Variants in RAP1A observed in about 807,000 individuals in gnomAD.
RAP1A encodes ras-related protein Rap-1A.
A neutral mutation model predicts 26.4 loss-of-function variants in RAP1A; 6 were observed. The observed-to-expected ratio is 0.23, with a 90% CI of 0.12 to 0.45. RAP1A has a LOEUF of 0.45. RAP1A is among the 20% of genes least tolerant of loss of function. RAP1A has a pLI of 0.99. For missense variants in RAP1A, 121 were observed against 217.2 expected (o/e 0.56, Z 2.78); for synonymous variants, 73 against 79.4 (o/e 0.92, Z 0.43).
At chr1:111,618,066 T>C (rs551198471), upstream of RAP1A, among the ~76,000 whole-genome samples, 2 of 151,818 alleles carry the variant, frequency 1.3e-5, no homozygotes, top group Non-Finnish European at 2.9e-5. Flanking sequence ...CATTCCAGCA[T>C]ACTAAAATGA....
chr1:111,624,922 A>G (rs1051188100), intron 1 of RAP1A, among the ~76,000 whole-genome samples: 1 of 152,172 alleles, frequency 6.6e-6, no homozygotes, highest in Non-Finnish European at 1.5e-5. Context: ...TAGGTTAGAT[A>G]AATCTGAAAA....
At chr1:111,649,079 C>A in intron 1 of RAP1A, 1 of 608,342 alleles carries the variant, frequency 1.6e-6, no homozygotes, top group Non-Finnish European at 3.2e-6. Flanking sequence ...CTGTCTCATA[C>A]TTGACTCTAA....
chr1:111,638,586 G>A (rs912353544), intron 1 of RAP1A, among the ~76,000 whole-genome samples: 3 of 152,064 alleles, frequency 2.0e-5, no homozygotes, highest in Admixed American at 2.0e-4. Flanking sequence ...CAACATGCCT[G>A]GCTAACTTTT....
At chr1:111,695,557 TTTC>T in intron 3 of RAP1A, 148 bp downstream of exon 3, 1 of 534,762 alleles carries the variant, frequency 1.9e-6, no homozygotes, top group South Asian at 3.2e-5. Context: ...AGACAGAACA[TTTC>T]TTAACAGAAT....
At chr1:111,672,211 C>T (rs974341158) in intron 1 of RAP1A, among the ~76,000 whole-genome samples, 2 of 152,230 alleles carry the variant, frequency 1.3e-5, no homozygotes, top group African/African-American at 4.8e-5. Context: ...GATTCCCATT[C>T]TGTCAAGTTT....
intron 1 of RAP1A, among the ~76,000 whole-genome samples, chr1:111,638,912 A>G (rs931464513): frequency 4.0e-5 from 6 of 151,872 alleles, no homozygotes; most frequent in African/African-American, 1.2e-4. Context: ...GTAGTCTAGA[A>G]TAATACAGAT....
intron 1 of RAP1A, among the ~76,000 whole-genome samples, chr1:111,627,269 A>T (rs530776580): frequency 7.1e-4 from 108 of 151,550 alleles, no homozygotes; most frequent in African/African-American, 2.5e-3. Context: ...TTTTTTATTT[A>T]TTTTTTTTAC....
intron 1 of RAP1A, among the ~76,000 whole-genome samples, chr1:111,651,997 G>A (rs1362088532): frequency 2.0e-5 from 3 of 149,160 alleles, no homozygotes; most frequent in Non-Finnish European, 3.0e-5. Context: ...TTTTTGAGAC[G>A]GAGTCTCGCT....
Position 111,634,980 on chromosome 1 carries a change from A to G in RAP1A, c.-28+15046A>G, listed in dbSNP as rs944514446. Reference sequence around the variant, plus strand: ...TTATAATCAAACTAAAAGTTCTAAAATCAATTCATTATAGAGTATGAAATT... The same window carrying G: ...TTATAATCAAACTAAAAGTTCTAAAGTCAATTCATTATAGAGTATGAAATT... On this transcript the variant is annotated intron_variant, in intron 1 of 7. Transcript: ENST00000369709. 2.6e-5 allele frequency among the ~76,000 whole-genome samples: 4 copies of G among 152,328 alleles called. No homozygotes were observed. The East Asian group carries it at 7.7e-4, about 29-fold the overall frequency.
chr1:111,591,108 G>A (rs913858431), intron 1 of RAP1A, among the ~76,000 whole-genome samples: 2 of 152,070 alleles, frequency 1.3e-5, no homozygotes, highest in African/African-American at 4.8e-5. Context: ...GTTTCTTCTT[G>A]AGTCAGTTTT....
chr1:111,668,675 A>G (rs1377318667), intron 1 of RAP1A, among the ~76,000 whole-genome samples: 5 of 152,208 alleles, frequency 3.3e-5, no homozygotes, highest in Non-Finnish European at 5.9e-5. Flanking sequence ...TAAGAAAGAT[A>G]GCGAGGTTAT....
rs574171488 is a variant in RAP1A at position 111,661,778 on chromosome 1, G to A, written c.-27-29556G>A. Among the ~76,000 whole-genome samples, 482 of 147,230 alleles carry A rather than the reference G, an allele frequency of 3.3e-3. 3 individuals are homozygous for A. The highest frequency in any genetic ancestry group is 0.011 in the African/African-American group (427 of 39,626). ...TGCGCCACTGCACTCCAGCCTGGGC[G>A]ACAGAACGAAACTCCGTCCCAGAAA... On this transcript the variant is annotated intron_variant, in intron 1 of 7. Transcript: ENST00000369709.
intron 1 of RAP1A, among the ~76,000 whole-genome samples, chr1:111,651,760 C>T (rs936867106): frequency 3.3e-5 from 5 of 151,594 alleles, no homozygotes; most frequent in Non-Finnish European, 5.9e-5. Context: ...TACCAGCATG[C>T]GCTGCCACGC....
chr1:111,619,975 G>A, intron 1 of RAP1A, 41 bp downstream of exon 1: 1 of 397,136 alleles, frequency 2.5e-6, no homozygotes, highest in Non-Finnish European at 4.4e-6. Flanking sequence ...CCCAGAGGGA[G>A]CGGGGGGCGC....
chr1:111,683,615 A>G (rs112210361), intron 1 of RAP1A, among the ~76,000 whole-genome samples: 1 of 152,138 alleles, frequency 6.6e-6, no homozygotes, highest in Non-Finnish European at 1.5e-5. Flanking sequence ...AACCACAAAG[A>G]AGTCAACTCC....
chr1:111,598,501 G>A (rs1404788916), intron 1 of RAP1A, among the ~76,000 whole-genome samples: 1 of 151,934 alleles, frequency 6.6e-6, no homozygotes, highest in Non-Finnish European at 1.5e-5. Flanking sequence ...AACTGTTGAG[G>A]AGCACTTTTA....
chr1:111,576,931 C>T (rs542072183), intron 1 of RAP1A, among the ~76,000 whole-genome samples: 1 of 152,306 alleles, frequency 6.6e-6, no homozygotes, highest in African/African-American at 2.4e-5. Flanking sequence ...ATCACCAAGG[C>T]TCTTACTATG....
At chr1:111,571,256 T>A (rs548103681) in intron 1 of RAP1A, among the ~76,000 whole-genome samples, 2 of 152,276 alleles carry the variant, frequency 1.3e-5, no homozygotes, top group East Asian at 3.9e-4. Context: ...GCACGCAAAG[T>A]TTCCACACTC....
chr1:111,698,563 C>T (rs928333298), intron 4 of RAP1A, among the ~76,000 whole-genome samples: 1 of 152,156 alleles, frequency 6.6e-6, no homozygotes, highest in African/African-American at 2.4e-5. Context: ...GCCATGGCAC[C>T]TGGCTGGCAT....
Sources: gnomAD v4.1 joint callset for allele counts (sites outside exome capture counted in the v4.1 genomes callset) on GRCh38, gnomAD v4.1.1 for gene constraint, MANE v1.5 for transcripts, NCBI Gene and HGNC (gene_info 2026-07-23, HGNC 2026-07-21) for gene names.